The following CCNB3 variants were observed in gnomAD, a reference collection of about 807,000 sequenced individuals.
CCNB3 encodes cyclin B3.
Under a neutral mutation model 68.0 loss-of-function variants are expected in CCNB3, and 12 were observed. The observed-to-expected ratio is 0.18, with a 90% CI of 0.11 to 0.29. The LOEUF (loss-of-function observed/expected upper bound fraction) is 0.29, where lower values mean the gene tolerates loss of function less well. Among genes scored for constraint, CCNB3 ranks in the 10% least tolerant of loss-of-function variants. The pLI is 1.00. For missense variants in CCNB3, 904 were observed against 993.1 expected (o/e 0.91, Z 1.21); for synonymous variants, 354 against 388.9 (o/e 0.91, Z 1.06).
At chrX:50,205,412 T>G (rs1386328304) in intron 1 of CCNB3, among the ~76,000 whole-genome samples, 3 of 106,773 alleles carry the variant, frequency 2.8e-5, no homozygotes, top group Non-Finnish European at 3.9e-5. Flanking sequence ...CTGCACTCCA[T>G]CCTGGGTGAC....
rs1935484032 is a variant in CCNB3 at position 50,211,601 on chromosome X, GCC to G, written c.-113+6653_-113+6654del. On this transcript the variant is annotated intron_variant, in intron 1 of 12. Coordinates refer to ENST00000376042, the MANE Select transcript of CCNB3 (RefSeq NM_033031.3). ...AGCCTGAGGTGGGAGGATCGCTTGA[GCC>G]CAGGAGGTTGATGCTGCAATGAGGA... Among the ~76,000 whole-genome samples, 21 of 111,398 alleles carry G rather than the reference GCC, an allele frequency of 1.9e-4. 1 individual carries two copies. The South Asian group carries it at 7.8e-3, about 41-fold the overall frequency.
At chrX:50,336,244 T>A (rs782784034) in intron 8 of CCNB3, among the ~76,000 whole-genome samples, 1 of 112,080 alleles carries the variant, frequency 8.9e-6, no homozygotes, top group East Asian at 2.8e-4. Flanking sequence ...ATGTCCTATT[T>A]CCTTACAATA....
At chrX:50,314,139 A>G (rs781825969) in intron 8 of CCNB3, among the ~76,000 whole-genome samples, 191 bp downstream of exon 8, 14 of 112,741 alleles carry the variant, frequency 1.2e-4, no homozygotes, top group Non-Finnish European at 2.1e-4. Flanking sequence ...AAAGTAGAAT[A>G]TACTAAGTGC....
Position 50,300,019 on chromosome X carries a change from G to A in CCNB3, c.335+5026G>A, listed in dbSNP as rs782621839. On this transcript the variant is annotated intron_variant, in intron 5 of 12. Transcript: ENST00000376042. ...TCCTCCATCCCTTTATTTTGAGCCT[G>A]TGTGTATCTCTGCCCATGAGATGGG... 6.3e-5 allele frequency among the ~76,000 whole-genome samples: 7 copies of A among 111,233 alleles called. No individual in the cohort carries two copies. The East Asian group carries it at 2.0e-3, about 31-fold the overall frequency.
upstream of CCNB3, among the ~76,000 whole-genome samples, chrX:50,203,329 C>T (rs1935295582): frequency 8.9e-6 from 1 of 111,980 alleles, no homozygotes; most frequent in African/African-American, 3.2e-5. Flanking sequence ...TGAAGTGAAC[C>T]ATCAGCCTTC....
intron 1 of CCNB3, among the ~76,000 whole-genome samples, chrX:50,221,349 C>A (rs1238063536): frequency 9.0e-6 from 1 of 111,402 alleles, no homozygotes; most frequent in African/African-American, 3.3e-5. Flanking sequence ...TTCTCTAGTT[C>A]TTTTCATTGT....
At chrX:50,286,939 C>T (rs782132908) in intron 3 of CCNB3, among the ~76,000 whole-genome samples, 1 of 112,534 alleles carries the variant, frequency 8.9e-6, no homozygotes, top group Non-Finnish European at 1.9e-5. Context: ...TGAGCCGCCG[C>T]GTCGGGCTCC....
At chrX:50,331,743 A>G (rs1922605800) in intron 8 of CCNB3, among the ~76,000 whole-genome samples, 1 of 111,820 alleles carries the variant, frequency 8.9e-6, no homozygotes, top group East Asian at 2.8e-4. Context: ...TTCATCATAG[A>G]AAGTTTGAAA....
intron 11 of CCNB3, among the ~76,000 whole-genome samples, chrX:50,349,208 C>T (rs184378143): frequency 7.1e-5 from 8 of 111,889 alleles, no homozygotes; most frequent in East Asian, 2.8e-4. Flanking sequence ...ATTAAAAAGA[C>T]GTGAAGGCAT....
intron 1 of CCNB3, among the ~76,000 whole-genome samples, chrX:50,226,093 A>G (rs1420134117): frequency 1.2e-5 from 1 of 84,782 alleles, no homozygotes; most frequent in Non-Finnish European, 2.2e-5. Context: ...ATATATGAAT[A>G]TATATAGAAT....
intron 5 of CCNB3, among the ~76,000 whole-genome samples, chrX:50,306,184 A>G (rs1476325692): frequency 9.0e-6 from 1 of 110,826 alleles, no homozygotes; most frequent in Admixed American, 9.7e-5. Flanking sequence ...TTTCCAGAGT[A>G]TAAGTTTTAT....
intron 5 of CCNB3, among the ~76,000 whole-genome samples, chrX:50,295,464 T>A (rs1302115997): frequency 9.0e-6 from 1 of 111,640 alleles, no homozygotes; most frequent in Non-Finnish European, 1.9e-5. Context: ...ACAGGTACCG[T>A]TCACAGGTTC....
Position 50,310,162 on chromosome X carries a change from GCTA to G in CCNB3, c.1995_1997del (p.Thr667del). On this transcript the variant is annotated inframe_deletion, in exon 6 of 13. Transcript: ENST00000376042. ...AGAGTCATTGGCCATCCAAGAGAAGGCTACCACTGAGGAGGAATTCTCTCAGGA... is the reference window on the plus strand; with the variant it reads ...AGAGTCATTGGCCATCCAAGAGAAGGCCACTGAGGAGGAATTCTCTCAGGA... 3.3e-6 allele frequency: 4 copies of G among 1,209,520 alleles called. No individual in the cohort carries two copies. Among genetic ancestry groups the G allele is most frequent in the Non-Finnish European group, 4.5e-6 (4 of 893,778 alleles).
chrX:50,216,100 C>A (rs1346141980), intron 1 of CCNB3, among the ~76,000 whole-genome samples: 1 of 107,529 alleles, frequency 9.3e-6, no homozygotes, highest in African/African-American at 3.4e-5. Context: ...AGGTGCACAC[C>A]ACCACGCCTG....
At chrX:50,226,455 T>A (rs1404924240) in intron 1 of CCNB3, among the ~76,000 whole-genome samples, 44 of 64,730 alleles carry the variant, frequency 6.8e-4, no homozygotes, top group African/African-American at 1.3e-3. Context: ...AGAATATATA[T>A]AAATATATAT....
At chrX:50,300,035 A>T (rs1196710945) in intron 5 of CCNB3, among the ~76,000 whole-genome samples, 1 of 111,171 alleles carries the variant, frequency 9.0e-6, no homozygotes, top group Non-Finnish European at 1.9e-5. Flanking sequence ...ATCTCTGCCC[A>T]TGAGATGGGT....
rs1410571877 is a variant in CCNB3, at chrX:50,227,076, A to T, written c.-113+22126A>T. Among the ~76,000 whole-genome samples, 9 of 81,198 alleles carry T rather than the reference A, an allele frequency of 1.1e-4. No homozygotes were observed. The South Asian group carries it at 4.5e-3, about 41-fold the overall frequency. The allele number at this position is 81,198 out of a possible 115,157, so 70.5% of individuals were successfully genotyped here. On this transcript the variant is annotated intron_variant, in intron 1 of 12. Coordinates refer to ENST00000376042, the MANE Select transcript of CCNB3 (RefSeq NM_033031.3). ...TATATAGAATATATATACAAATATA[A>T]AGAATATATATAAATATATAGAATA...
In CCNB3 at chrX:50,350,248, TACACACACAC is replaced by T. The variant is rs35500925; in HGVS notation, c.3961-967_3961-958del. On this transcript the variant is annotated intron_variant, in intron 11 of 12. Coordinates refer to ENST00000376042, the MANE Select transcript of CCNB3 (RefSeq NM_033031.3). ...TATGTATGATACACACATACACAAA[TACACACACAC>T]ACACACACACACACACACACACACA... Among the ~76,000 whole-genome samples the T allele has an allele frequency of 3.0e-3, 285 of 95,233 alleles. 2 individuals carry two copies. Among genetic ancestry groups the T allele is most frequent in the African/African-American group, 0.011 (272 of 25,903 alleles). 82.7% of individuals were successfully genotyped at this position (95,233 alleles called of 115,157 possible).
chrX:50,304,431 G>A (rs1237672195), intron 5 of CCNB3, among the ~76,000 whole-genome samples: 3 of 111,647 alleles, frequency 2.7e-5, no homozygotes, highest in Non-Finnish European at 3.8e-5. Flanking sequence ...AAATGGTGCT[G>A]GGAAAACTGG....
Sources: gnomAD v4.1 joint callset for allele counts (sites outside exome capture counted in the v4.1 genomes callset) on GRCh38, gnomAD v4.1.1 for gene constraint, MANE v1.5 for transcripts, NCBI Gene and HGNC (gene_info 2026-07-23, HGNC 2026-07-21) for gene names.